Variants in PTPRE observed in about 807,000 individuals in gnomAD.
PTPRE encodes the protein receptor-type tyrosine-protein phosphatase epsilon.
Under a neutral mutation model 102.0 loss-of-function variants are expected in PTPRE, and 51 were observed. The ratio of observed to expected loss-of-function variants is 0.50; its 90% CI spans 0.40 to 0.63. PTPRE has a LOEUF of 0.63. Ranked by LOEUF, PTPRE falls within the 30% of genes least tolerant of loss-of-function variation. PTPRE has a pLI of 0.00. For synonymous variants in PTPRE, 345 were observed against 348.2 expected (o/e 0.99, Z 0.10); for missense variants, 752 against 915.1 (o/e 0.82, Z 2.30).
chr10:128,068,185 C>A lies in PTPRE; in HGVS notation c.906C>A (p.Pro302=), dbSNP rs7100666. ...CACAGCTGCACTTCACCAGCTGGCCCGACTTCGGAGTGCCTTTTACCCCCA... is the reference window on the plus strand; with the variant it reads ...CACAGCTGCACTTCACCAGCTGGCCAGACTTCGGAGTGCCTTTTACCCCCA... The part of the protein sequence containing the change: ...LVSQLHFTSW[P]DFGVPFTPIG... Residue 302 remains proline (P), a synonymous_variant, in exon 12 of 21, where the codon CCC becomes CCA. Coordinates refer to ENST00000254667, the MANE Select transcript of PTPRE (RefSeq NM_006504.6). 56 of 1,614,082 alleles carry A rather than the reference C, an allele frequency of 3.5e-5. No individual in the cohort carries two copies. In the South Asian group the frequency reaches 3.7e-4, roughly 11 times the overall value.
At chr10:127,911,261 A>G (rs1009526973) in intron 1 of PTPRE, among the ~76,000 whole-genome samples, 3 of 152,258 alleles carry the variant, frequency 2.0e-5, no homozygotes, top group Admixed American at 1.3e-4. Context: ...TGCGTGATTA[A>G]GTATTTTAAT....
chr10:128,003,922 C>CCATTCCCATTATA (rs1564871928), intron 2 of PTPRE, among the ~76,000 whole-genome samples: 1 of 151,942 alleles, frequency 6.6e-6, no homozygotes, highest in African/African-American at 2.4e-5. Flanking sequence ...TTGGCAACAC[C>CCATTCCCATTATA]CCACCCATTC....
intron 1 of PTPRE, among the ~76,000 whole-genome samples, chr10:127,976,667 G>A (rs1851204701): frequency 6.6e-6 from 1 of 152,222 alleles, no homozygotes; most frequent in Admixed American, 6.5e-5. Context: ...TTTCAAGGTG[G>A]TTTAACGCTG....
intron 1 of PTPRE, among the ~76,000 whole-genome samples, chr10:127,964,566 T>C (rs1416426508): frequency 6.6e-6 from 1 of 152,130 alleles, no homozygotes; most frequent in African/African-American, 2.4e-5. Flanking sequence ...AGTTCCATTT[T>C]TTTTTTTTTC....
chr10:128,062,920 C>G lies in PTPRE; in HGVS notation c.626-163C>G, dbSNP rs566652639. On this transcript the variant is annotated intron_variant, in intron 9 of 20. Transcript: ENST00000254667. ...GGGTGAGTGGCAGGACAGGCAGCCC[C>G]TACCGGTTCCGGAACGCTTCAGGGC... 154 of 1,301,168 alleles carry G rather than the reference C, an allele frequency of 1.2e-4. No homozygotes were observed. The African/African-American group carries it at 2.1e-3, about 17-fold the overall frequency. 80.6% of individuals were successfully genotyped at this position (1,301,168 alleles called of 1,614,324 possible).
intron 17 of PTPRE, among the ~76,000 whole-genome samples, chr10:128,074,742 A>G (rs1486899358): frequency 6.6e-6 from 1 of 152,066 alleles, no homozygotes; most frequent in Non-Finnish European, 1.5e-5. Flanking sequence ...TCCCTTGGGT[A>G]TACGCCTAGG....
At chr10:127,927,109 C>A (rs1413837184) in intron 1 of PTPRE, among the ~76,000 whole-genome samples, 1 of 152,146 alleles carries the variant, frequency 6.6e-6, no homozygotes. Flanking sequence ...TGCGCCAGGT[C>A]TCTCTTAATC....
chr10:128,023,009 G>A (rs183577237), intron 2 of PTPRE, among the ~76,000 whole-genome samples: 1 of 152,352 alleles, frequency 6.6e-6, no homozygotes, highest in African/African-American at 2.4e-5. Context: ...ATCTGCATTT[G>A]CTACAGTGGC....
chr10:127,928,600 G>A (rs1847199193), intron 1 of PTPRE, among the ~76,000 whole-genome samples: 1 of 152,194 alleles, frequency 6.6e-6, no homozygotes, highest in Non-Finnish European at 1.5e-5. Context: ...CAGATTAGCT[G>A]TGCTGGGTTA....
intron 1 of PTPRE, among the ~76,000 whole-genome samples, chr10:127,973,745 T>C (rs1850936988): frequency 6.6e-6 from 1 of 152,218 alleles, no homozygotes; most frequent in Non-Finnish European, 1.5e-5. Context: ...TGCATGCCTG[T>C]GAAGGATGCA....
Position 127,942,491 on chromosome 10 carries a change from A to C in PTPRE, c.-31+35182A>C, listed in dbSNP as rs189765740. Reference sequence around the variant, plus strand: ...CCTACAAAATGTCCATCAAGGGATGAATGAATAACCAAAATGTGGTCATAC... The same window carrying C: ...CCTACAAAATGTCCATCAAGGGATGCATGAATAACCAAAATGTGGTCATAC... On this transcript the variant is annotated intron_variant, in intron 1 of 20. Transcript: ENST00000254667. Among the ~76,000 whole-genome samples, 731 of 152,374 alleles carry C rather than the reference A, an allele frequency of 4.8e-3. 1 individual carries two copies. The highest frequency in any genetic ancestry group is 6.7e-3 in the Non-Finnish European group (457 of 68,038).
In PTPRE at chr10:128,069,620, C is replaced by G. The variant is rs561994435; in HGVS notation, c.1008-72C>G. On this transcript the variant is annotated intron_variant, in intron 12 of 20. Coordinates refer to ENST00000254667, the MANE Select transcript of PTPRE (RefSeq NM_006504.6). Reference sequence around the variant, plus strand: ...GCATCCAGTGACCTGGGTGCGCAGGCCCCTTCGGGGCCTTTCATTTACTTC... The same window carrying G: ...GCATCCAGTGACCTGGGTGCGCAGGGCCCTTCGGGGCCTTTCATTTACTTC... 184 of 1,569,016 alleles carry G rather than the reference C, an allele frequency of 1.2e-4. 1 individual carries two copies. The East Asian group carries it at 3.8e-3, about 32-fold the overall frequency.
At chr10:127,961,018 C>CAA (rs5788882) in intron 1 of PTPRE, among the ~76,000 whole-genome samples, 36,617 of 140,154 alleles carry the variant, frequency 0.26, 4,958 homozygotes, top group South Asian at 0.44. Flanking sequence ...CAGACTCTGT[C>CAA]AAAAAAAAAA....
intron 3 of PTPRE, among the ~76,000 whole-genome samples, chr10:128,045,610 T>G (rs1247037197): frequency 1.3e-5 from 2 of 152,292 alleles, no homozygotes; most frequent in East Asian, 3.9e-4. Context: ...GGCTCCAGGC[T>G]GCCCCTCCCT....
chr10:127,984,078 C>CTTTTTTTTT (rs58130253), intron 2 of PTPRE, among the ~76,000 whole-genome samples: 3 of 125,392 alleles, frequency 2.4e-5, no homozygotes, highest in African/African-American at 3.2e-5. Flanking sequence ...TTCTTTCTTT[C>CTTTTTTTTT]TTTTTTTTTT....
chr10:127,960,766 G>A (rs1257397572), intron 1 of PTPRE, among the ~76,000 whole-genome samples: 4 of 152,182 alleles, frequency 2.6e-5, no homozygotes, highest in African/African-American at 9.7e-5. Context: ...GCTCACGCCT[G>A]TAATCCCAGC....
Position 128,028,687 on chromosome 10 carries a change from G to A in PTPRE, c.-7-12188G>A, listed in dbSNP as rs577538768. On this transcript the variant is annotated intron_variant, in intron 2 of 20. Transcript: ENST00000254667. This position sits in a 1 kb window ranked among gnomAD's most constrained non-coding sequence, Gnocchi z 4.5. ...CGGGGCCCAGGGTTCCTTGGTCTTG[G>A]GTTCTGATGCCTTCATTCCCAGAAC... Among the ~76,000 whole-genome samples, 1 of 152,062 alleles carries A rather than the reference G, an allele frequency of 6.6e-6. No individual in the cohort carries two copies. The highest frequency in any genetic ancestry group is 1.5e-5 in the Non-Finnish European group (1 of 67,984).
At chr10:127,948,225 T>A (rs1268103322) in intron 1 of PTPRE, among the ~76,000 whole-genome samples, 1 of 151,256 alleles carries the variant, frequency 6.6e-6, no homozygotes, top group Non-Finnish European at 1.5e-5. Context: ...ACCCCCTCCT[T>A]TTTTTTTGTT....
At chr10:128,037,075 AG>A (rs1286930028) in intron 2 of PTPRE, among the ~76,000 whole-genome samples, 5 of 152,224 alleles carry the variant, frequency 3.3e-5, no homozygotes, top group African/African-American at 1.2e-4. Flanking sequence ...TTCCATCTGG[AG>A]TTGGGCACAG....
Sources: allele counts gnomAD v4.1 joint callset (sites outside exome capture counted in the v4.1 genomes callset), GRCh38; gene constraint gnomAD v4.1.1; non-coding constraint Gnocchi (gnomAD v3.1); transcripts MANE v1.5; gene names NCBI Gene and HGNC (gene_info 2026-07-23, HGNC 2026-07-21).